The following RNF122 variants were observed in gnomAD, a reference collection of about 807,000 sequenced individuals.
RNF122 encodes ring finger protein 122.
RNF122 carries 17 observed loss-of-function variants against 24.2 expected under a neutral mutation model. That is an observed-to-expected ratio of 0.70 (90% CI 0.48 to 1.06). The LOEUF (loss-of-function observed/expected upper bound fraction) is 1.06. Ranked by LOEUF, RNF122 falls within the 50% of genes least tolerant of loss-of-function variation. The pLI is 0.00. For synonymous variants in RNF122, 65 were observed against 71.8 expected, an observed-to-expected ratio of 0.91 and a Z score of 0.48; for missense variants, 168 against 198.1, an observed-to-expected ratio of 0.85 and a Z score of 0.91.
intron 2 of RNF122, among the ~76,000 whole-genome samples, chr8:33,555,364 G>A (rs376211676): frequency 4.6e-5 from 7 of 151,832 alleles, no homozygotes; most frequent in Admixed American, 2.6e-4. Context: ...CACAGCACCC[G>A]GCTAATTTTT....
chr8:33,565,439 C>G (rs888483423), intron 1 of RNF122, among the ~76,000 whole-genome samples: 1 of 152,052 alleles, frequency 6.6e-6, no homozygotes, highest in African/African-American at 2.4e-5. Flanking sequence ...CCAGCTGCTT[C>G]CCATCTCTCT....
In RNF122 at chr8:33,566,712, G is replaced by T. The variant is rs779988456; in HGVS notation, c.12C>A (p.Phe4Leu). 7 of 1,605,820 alleles carry T rather than the reference G, an allele frequency of 4.4e-6. No homozygotes were observed. Among genetic ancestry groups the T allele is most frequent in the Non-Finnish European group, 5.9e-6 (7 of 1,176,978 alleles). Reference protein sequence around the residue: MHPFQWCNGCFCGL... With the variant: MHPLQWCNGCFCGL... ...CCGGGGACTCACCGTTACACCACTG[G>T]AATGGGTGCATCAATGAAGTCGCGG... Residue 4 changes from phenylalanine (F) to leucine (L), a missense_variant, in exon 1 of 6, where the codon TTC becomes TTA. Coordinates refer to ENST00000256257, the MANE Select transcript of RNF122 (RefSeq NM_024787.3).
At chr8:33,556,503 A>G (rs1275145176) in intron 2 of RNF122, among the ~76,000 whole-genome samples, 1 of 152,182 alleles carries the variant, frequency 6.6e-6, no homozygotes, top group Non-Finnish European at 1.5e-5. Flanking sequence ...GAAAGGGACC[A>G]AGGAGAGTTG....
In RNF122 at chr8:33,547,897, G is replaced by A. The variant is rs1225100095; in HGVS notation, c.*856C>T. On this transcript the variant is annotated 3_prime_UTR_variant, in exon 6 of 6. Coordinates refer to ENST00000256257, the MANE Select transcript of RNF122 (RefSeq NM_024787.3). ...TATCTAAAGCCTGAGAGGCGAGGATGAAGTATAAAAATACTATTTACAAAG... is the reference window on the plus strand; with the variant it reads ...TATCTAAAGCCTGAGAGGCGAGGATAAAGTATAAAAATACTATTTACAAAG... The A allele has an allele frequency of 1.5e-5, 2 of 137,188 alleles. No individual in the cohort carries two copies. The highest frequency in any genetic ancestry group is 3.0e-5 in the Non-Finnish European group (2 of 65,758). 8.5% of individuals were successfully genotyped at this position (137,188 alleles called of 1,614,324 possible).
rs369970391 is a variant in RNF122 at position 33,566,659 on chromosome 8, C to T, written c.25+40G>A. 30 of 1,584,658 alleles carry T rather than the reference C, an allele frequency of 1.9e-5. No homozygotes were observed. The African/African-American group carries it at 2.8e-4, about 15-fold the overall frequency. ...CTCGCACCCCGCGCCGCGGCTCCCA[C>T]CAGCCCCACGTAGGCTCGGCCCTCG... is the stretch of plus-strand genomic sequence containing the variant. On this transcript the variant is annotated intron_variant, in intron 1 of 5. Transcript: ENST00000256257.
Position 33,566,993 on chromosome 8 carries a change from G to A in RNF122, c.-270C>T, listed in dbSNP as rs565949201. ...ACGCGCCAAGGGCCCCGGGCTGGGG[G>A]AATGTGGGGCGCCGCGGGGCGGGGG... On this transcript the variant is annotated 5_prime_UTR_variant, in exon 1 of 6. Coordinates refer to ENST00000256257, the MANE Select transcript of RNF122 (RefSeq NM_024787.3). 1.0e-4 allele frequency: 49 copies of A among 487,572 alleles called. No homozygotes were observed. The highest frequency in any genetic ancestry group is 5.9e-4 in the Middle Eastern group (1 of 1,702). 30.2% of individuals were successfully genotyped at this position (487,572 alleles called of 1,614,324 possible). A position where few individuals can be genotyped will look rare whatever the true frequency, so the allele number is the denominator to read the frequency against.
chr8:33,554,411 C>T (rs1446367544), intron 2 of RNF122, among the ~76,000 whole-genome samples: 1 of 152,184 alleles, frequency 6.6e-6, no homozygotes, highest in East Asian at 1.9e-4. Context: ...ACCACTTCCC[C>T]ACCCATCATG....
chr8:33,550,610 G>T (rs1705080375), intron 4 of RNF122, among the ~76,000 whole-genome samples: 1 of 152,144 alleles, frequency 6.6e-6, no homozygotes, highest in South Asian at 2.1e-4. Context: ...AGAGCCACAG[G>T]AATGAACACA....
At chr8:33,565,109 C>G (rs1379230767) in intron 1 of RNF122, among the ~76,000 whole-genome samples, 1 of 152,166 alleles carries the variant, frequency 6.6e-6, no homozygotes, top group Non-Finnish European at 1.5e-5. Flanking sequence ...ACCAGGGGAT[C>G]TGGGAACTGC....
chr8:33,565,154 T>TG lies in RNF122; in HGVS notation c.25+1544dup, dbSNP rs539091165. On this transcript the variant is annotated intron_variant, in intron 1 of 5. Coordinates refer to ENST00000256257, the MANE Select transcript of RNF122 (RefSeq NM_024787.3). The stretch of plus-strand genomic sequence containing the variant: ...CCAGCCAACGGGAATCTTTCCCAGA[T>TG]GCTAGGGTGCAAGGGCCTTCCTCAA... Among the ~76,000 whole-genome samples, 252 of 152,312 alleles carry TG rather than the reference T, an allele frequency of 1.7e-3. 1 individual carries two copies. The highest frequency in any genetic ancestry group is 5.7e-3 in the African/African-American group (237 of 41,574).
chr8:33,551,468 G>C, intron 2 of RNF122, 79 bp from the exon 3 acceptor site: 1 of 1,490,502 alleles, frequency 6.7e-7, no homozygotes, highest in Non-Finnish European at 9.3e-7. Context: ...TGGCTGCTTG[G>C]GCATTCTTCC....
Position 33,548,554 on chromosome 8 carries a change from A to C in RNF122, c.*199T>G, listed in dbSNP as rs1195464487. The C allele has an allele frequency of 5.9e-6, 3 of 507,692 alleles. No individual in the cohort carries two copies. The highest frequency in any genetic ancestry group is 5.7e-5 in the African/African-American group (3 of 52,282). 31.4% of individuals were successfully genotyped at this position (507,692 alleles called of 1,614,324 possible). A position where few individuals can be genotyped will look rare whatever the true frequency, so the allele number is the denominator to read the frequency against. ...CACCAGCATGGAGTAGCAGGGAAGA[A>C]GGCTTCAGGAGGCAGGAAGTGGGGG... On this transcript the variant is annotated 3_prime_UTR_variant, in exon 6 of 6. Transcript: ENST00000256257.
At chr8:33,562,782 G>T (rs1027214907) in intron 1 of RNF122, among the ~76,000 whole-genome samples, 6 of 152,038 alleles carry the variant, frequency 3.9e-5, no homozygotes, top group Non-Finnish European at 7.4e-5. Flanking sequence ...AATTAGCTGG[G>T]TTTGGTGTCT....
At position 33,566,801 on chromosome 8, in the gene RNF122, G is replaced by A. The variant is rs1339145051; in HGVS notation, c.-78C>T. The A allele has an allele frequency of 7.2e-6, 11 of 1,521,542 alleles. No homozygotes were observed. The highest frequency in any genetic ancestry group is 9.9e-6 in the Non-Finnish European group (11 of 1,116,692). 94.3% of individuals were successfully genotyped at this position (1,521,542 alleles called of 1,614,324 possible). ...GGAGGGCGGGGTGGGAGCACTAGCGGCGTGAGGGGCCGCAGGCGGGGTCGG... is the reference window on the plus strand; with the variant it reads ...GGAGGGCGGGGTGGGAGCACTAGCGACGTGAGGGGCCGCAGGCGGGGTCGG... On this transcript the variant is annotated 5_prime_UTR_variant, in exon 1 of 6. Transcript: ENST00000256257.
At chr8:33,564,555 G>A (rs114958277) in intron 1 of RNF122, among the ~76,000 whole-genome samples, 4,214 of 145,668 alleles carry the variant, frequency 0.029, 200 homozygotes, top group African/African-American at 0.1. Flanking sequence ...CATGGTTGTC[G>A]GAGTGAGACC....
intron 2 of RNF122, among the ~76,000 whole-genome samples, chr8:33,553,100 C>T (rs941922166): frequency 2.0e-5 from 3 of 150,760 alleles, no homozygotes; most frequent in Admixed American, 6.6e-5. Flanking sequence ...AGAATGCCTC[C>T]TCTATGTGTG....
At position 33,559,539 on chromosome 8, in the gene RNF122, T is replaced by C. The variant is rs117470617; in HGVS notation, c.26-768A>G. Among the ~76,000 whole-genome samples, 65 of 152,298 alleles carry C rather than the reference T, an allele frequency of 4.3e-4. 2 individuals are homozygous for C. In the East Asian group the frequency reaches 0.012, roughly 28 times the overall value. On this transcript the variant is annotated intron_variant, in intron 1 of 5. Coordinates refer to ENST00000256257, the MANE Select transcript of RNF122 (RefSeq NM_024787.3). ...ATGAAAATGAGCGCATAAGAAAATA[T>C]GCTTTGTAAATTGCAAAGGACAATT...
In RNF122 at chr8:33,548,858, C is replaced by A. The variant is rs372733449; in HGVS notation, c.363G>T (p.Val121=). Residue 121 remains valine (V), a synonymous_variant, in exon 6 of 6, where the codon GTG becomes GTT. Coordinates refer to ENST00000256257, the MANE Select transcript of RNF122 (RefSeq NM_024787.3). ...CQHAFHRKCL[V]KWLEVRCVCP... ...AGACACAGCGAACTTCCAGCCATTT[C>A]ACCAGACACCTGAGAACAAATGAGG... 83 of 1,612,010 alleles carry A rather than the reference C, an allele frequency of 5.1e-5. No individual in the cohort carries two copies. Among genetic ancestry groups the A allele is most frequent in the Non-Finnish European group, 6.7e-5 (79 of 1,178,260 alleles).
intron 2 of RNF122, among the ~76,000 whole-genome samples, chr8:33,557,764 T>G (rs1810477236): frequency 6.6e-6 from 1 of 151,808 alleles, no homozygotes; most frequent in Non-Finnish European, 1.5e-5. Flanking sequence ...CTTGGATCCC[T>G]AAGCAATCAA....
Sources: gnomAD v4.1 joint callset for allele counts (sites outside exome capture counted in the v4.1 genomes callset) on GRCh38, gnomAD v4.1.1 for gene constraint, MANE v1.5 for transcripts, NCBI Gene and HGNC (gene_info 2026-07-23, HGNC 2026-07-21) for gene names.